CACNB4: variants seen among roughly 807,000 people sequenced by gnomAD.
CACNB4 encodes voltage-dependent L-type calcium channel subunit beta-4.
A neutral mutation model predicts 71.2 loss-of-function variants in CACNB4; 32 were observed. The observed-to-expected ratio is 0.45, with a 90% CI of 0.34 to 0.60. The LOEUF (loss-of-function observed/expected upper bound fraction) is 0.60. Among genes scored for constraint, CACNB4 ranks in the 20% least tolerant of loss-of-function variants. The probability of loss-of-function intolerance (pLI) is 0.01; values close to 1 mark genes in which losing one functional copy is unlikely to be tolerated. For missense variants in CACNB4, 464 were observed against 647.9 expected, an observed-to-expected ratio of 0.72 and a Z score of 3.08; for synonymous variants, 231 against 236.9, an observed-to-expected ratio of 0.97 and a Z score of 0.23.
At chr2:152,046,400 T>C (rs1685143675) in intron 2 of CACNB4, among the ~76,000 whole-genome samples, 5 of 152,198 alleles carry the variant, frequency 3.3e-5, no homozygotes, top group Admixed American at 3.3e-4. Context: ...CTAGAGCAAT[T>C]TTACAGAACA....
At chr2:151,985,735 T>A (rs1352802855) in intron 2 of CACNB4, among the ~76,000 whole-genome samples, 1 of 151,876 alleles carries the variant, frequency 6.6e-6, no homozygotes, top group South Asian at 2.1e-4. Context: ...CGTATTTTCA[T>A]AAGTATACTT....
intron 2 of CACNB4, among the ~76,000 whole-genome samples, chr2:151,928,800 G>T (rs536399970): frequency 2.0e-5 from 3 of 151,844 alleles, no homozygotes; most frequent in African/African-American, 7.3e-5. Context: ...GGTATGTGCC[G>T]GTGGTCCCAG....
intron 2 of CACNB4, among the ~76,000 whole-genome samples, chr2:151,910,192 T>A (rs1332604002): frequency 1.3e-5 from 2 of 152,228 alleles, no homozygotes; most frequent in Non-Finnish European, 2.9e-5. Context: ...TTGAGAAGTG[T>A]CTGTTCCTAT....
rs144396062 is a variant in CACNB4 at position 151,903,861 on chromosome 2, T to C, written c.148-20491A>G. Among the ~76,000 whole-genome samples, 385 of 152,338 alleles carry C rather than the reference T, an allele frequency of 2.5e-3. 4 individuals are homozygous for C. Among genetic ancestry groups the C allele is most frequent in the African/African-American group, 9.0e-3 (373 of 41,578 alleles). Reference sequence around the variant, plus strand: ...CCATCCGTTGTGTTACAACTGTACGTGTGGCTATTTTACCTTTCTGACAAT... The same window carrying C: ...CCATCCGTTGTGTTACAACTGTACGCGTGGCTATTTTACCTTTCTGACAAT... On this transcript the variant is annotated intron_variant, in intron 2 of 13. Transcript: ENST00000539935.
chr2:151,877,594 T>A (rs555430592), intron 4 of CACNB4, among the ~76,000 whole-genome samples: 1 of 152,360 alleles, frequency 6.6e-6, no homozygotes, highest in South Asian at 2.1e-4. Flanking sequence ...TCCACGATAC[T>A]ATCTGTGGTC....
chr2:151,913,292 A>C (rs755428580), intron 2 of CACNB4, among the ~76,000 whole-genome samples: 19 of 152,172 alleles, frequency 1.2e-4, no homozygotes, highest in Non-Finnish European at 2.6e-4. Flanking sequence ...GTGTTTTTGC[A>C]GTGCCTGGTA....
intron 2 of CACNB4, among the ~76,000 whole-genome samples, chr2:152,007,444 T>C (rs1682792482): frequency 6.6e-6 from 1 of 152,260 alleles, no homozygotes; most frequent in Admixed American, 6.5e-5. Context: ...ACTCTAGATA[T>C]TTCATATAAG....
chr2:151,920,318 CTTTTTTTTT>C (rs10574154), intron 2 of CACNB4, among the ~76,000 whole-genome samples: 6 of 66,092 alleles, frequency 9.1e-5, no homozygotes, highest in Non-Finnish European at 1.6e-4. Context: ...TCTTCTTCTT[CTTTTTTTTT>C]TTTTTTTTTT....
intron 2 of CACNB4, among the ~76,000 whole-genome samples, chr2:151,912,150 T>C (rs1427454398): frequency 6.6e-6 from 1 of 152,212 alleles, no homozygotes; most frequent in Admixed American, 6.5e-5. Context: ...TGGAGTGTTT[T>C]TGTGCCTCTA....
At chr2:151,983,970 T>C (rs896523126) in intron 2 of CACNB4, among the ~76,000 whole-genome samples, 3 of 152,194 alleles carry the variant, frequency 2.0e-5, no homozygotes, top group Non-Finnish European at 2.9e-5. Context: ...AATAGTATCA[T>C]AATTTTCAAA....
At chr2:152,087,342 G>A (rs894397020) in intron 2 of CACNB4, among the ~76,000 whole-genome samples, 11 of 149,078 alleles carry the variant, frequency 7.4e-5, no homozygotes, top group Non-Finnish European at 1.5e-4. Context: ...TGAGGCAGGA[G>A]AATCGCTTGA....
chr2:152,037,976 C>T (rs1388603513), intron 2 of CACNB4, among the ~76,000 whole-genome samples: 1 of 152,214 alleles, frequency 6.6e-6, no homozygotes, highest in Non-Finnish European at 1.5e-5. Flanking sequence ...AGGGAACCAC[C>T]CCCAAGGAGG....
At chr2:151,858,167 T>TA (rs774659016) in intron 10 of CACNB4, 4 of 152,222 alleles carry the variant, frequency 2.6e-5, no homozygotes, top group Non-Finnish European at 5.9e-5. Context: ...CTCATAATCC[T>TA]ATTCCAGTCA....
chr2:151,917,957 C>G (rs2099857966), intron 2 of CACNB4, among the ~76,000 whole-genome samples: 1 of 151,818 alleles, frequency 6.6e-6, no homozygotes, highest in Non-Finnish European at 1.5e-5. Context: ...TGGCTGGAAA[C>G]CCCAATGCAC....
chr2:151,870,639 C>G (rs1188566238), intron 7 of CACNB4, 28 bp from the exon 8 acceptor site: 3 of 1,583,898 alleles, frequency 1.9e-6, no homozygotes, highest in African/African-American at 2.7e-5. Context: ...ACACGCGTGA[C>G]AAGGTGAGGT....
chr2:151,844,741 G>A (rs1204065636), intron 12 of CACNB4, among the ~76,000 whole-genome samples: 1 of 152,214 alleles, frequency 6.6e-6, no homozygotes, highest in Non-Finnish European at 1.5e-5. Context: ...GATGGCACAG[G>A]AGGAAGAAAG....
At chr2:152,099,085 C>G (rs1364062520), upstream of CACNB4, 10 of 1,013,526 alleles carry the variant, frequency 9.9e-6, no homozygotes, top group South Asian at 3.3e-5. Flanking sequence ...GGGCTGCGGA[C>G]GGAGGGGGAG....
At chr2:152,018,349 T>C (rs1341206950) in intron 2 of CACNB4, among the ~76,000 whole-genome samples, 1 of 151,934 alleles carries the variant, frequency 6.6e-6, no homozygotes, top group Admixed American at 6.6e-5. Flanking sequence ...CCTGGGAGCA[T>C]CAGGGTTGAG....
intron 2 of CACNB4, among the ~76,000 whole-genome samples, chr2:152,009,188 CAA>C (rs756023829): frequency 1.5e-3 from 116 of 79,976 alleles, no homozygotes; most frequent in Middle Eastern, 8.1e-3. Context: ...GACCCTGTCT[CAA>C]AAAAAAAAAA....
Sources: allele counts gnomAD v4.1 joint callset (sites outside exome capture counted in the v4.1 genomes callset), GRCh38; gene constraint gnomAD v4.1.1; transcripts MANE v1.5; gene names NCBI Gene and HGNC (gene_info 2026-07-23, HGNC 2026-07-21).